EIF3B: variants seen among roughly 807,000 people sequenced by gnomAD.
EIF3B encodes eukaryotic translation initiation factor 3 subunit B.
In EIF3B, 10 loss-of-function variants were observed where a neutral mutation model predicts 104.6. The observed-to-expected ratio is 0.10, with a 90% CI of 0.06 to 0.16. The LOEUF is 0.16. Among genes scored for constraint, EIF3B ranks in the 10% least tolerant of loss-of-function variants. The pLI, the probability that EIF3B is intolerant of heterozygous loss-of-function variation, is 1.00. For missense variants in EIF3B, 1,014 were observed against 1,087.9 expected (o/e 0.93, Z 0.96); for synonymous variants, 542 against 417.2 (o/e 1.30, Z -3.65).
intron 1 of EIF3B, among the ~76,000 whole-genome samples, chr7:2,359,784 A>G (rs1288132043): frequency 1.3e-5 from 2 of 152,124 alleles, no homozygotes; most frequent in African/African-American, 2.4e-5. Flanking sequence ...TTCCTGGTAG[A>G]TAGTGTCTGA....
At position 2,376,730 on chromosome 7, in the gene EIF3B, C is replaced by T. The variant is rs187595758; in HGVS notation, c.2029-220C>T. 5,356 of 573,462 alleles carry T rather than the reference C, an allele frequency of 9.3e-3. 44 individuals are homozygous for T. Among genetic ancestry groups the T allele is most frequent in the Non-Finnish European group, 0.012 (4,030 of 331,926 alleles). 35.5% of individuals were successfully genotyped at this position (573,462 alleles called of 1,614,324 possible). A position where few individuals can be genotyped will look rare whatever the true frequency, so the allele number is the denominator to read the frequency against. Reference sequence around the variant, plus strand: ...ATGTGCAGGCCTGTGCTGTGATGAGCGCTGCTCCAGCTGCTCCGTGCCCCG... The same window carrying T: ...ATGTGCAGGCCTGTGCTGTGATGAGTGCTGCTCCAGCTGCTCCGTGCCCCG... On this transcript the variant is annotated intron_variant, in intron 14 of 18. Transcript: ENST00000360876.
In EIF3B at chr7:2,372,920, A is replaced by G. The variant is rs543626500; in HGVS notation, c.1810+125A>G. 31 of 1,120,840 alleles carry G rather than the reference A, an allele frequency of 2.8e-5. No individual in the cohort carries two copies. The South Asian group carries it at 4.1e-4, about 15-fold the overall frequency. The allele number at this position is 1,120,840 out of a possible 1,614,324, so 69.4% of individuals were successfully genotyped here. On this transcript the variant is annotated intron_variant, in intron 12 of 18. Transcript: ENST00000360876. ...TGGGCAGGCCGGGACTCGCCTATGA[A>G]TGGGGTGTGGCCTCGGCTGATGGAA...
chr7:2,361,976 T>TTTATTTAC (rs1309563944), intron 2 of EIF3B, among the ~76,000 whole-genome samples: 2 of 151,732 alleles, frequency 1.3e-5, no homozygotes, highest in Non-Finnish European at 2.9e-5. Flanking sequence ...TATTTATTTA[T>TTTATTTAC]TGAGACAGAG....
rs1780030561 is a variant in EIF3B, at chr7:2,366,425, C to T, written c.1266C>T (p.Ser422=). The stretch of plus-strand genomic sequence containing the variant: ...AGAAGAGGGGTTTTCACTGTGAGAG[C>T]TCAGCCCATTGGCCTATTTTTAAGT... ...GHKKRGFHCE[S]SAHWPIFKWS... is the part of the protein sequence containing the mutation. The change falls in exon 7 of 19, where the codon AGC becomes AGT. Residue 422 remains serine (S), a synonymous_variant. Coordinates refer to ENST00000360876, the MANE Select transcript of EIF3B (RefSeq NM_001037283.2). The T allele has an allele frequency of 6.2e-7, 1 of 1,614,088 alleles. No individual in the cohort carries two copies. The highest frequency in any genetic ancestry group is 1.3e-5 in the African/African-American group (1 of 75,052).
chr7:2,361,047 C>A, intron 2 of EIF3B, 145 bp downstream of exon 2: 2 of 583,408 alleles, frequency 3.4e-6, no homozygotes, highest in Non-Finnish European at 3.0e-6. Flanking sequence ...CAGCTGGAAG[C>A]TATCCAGAGC....
intron 4 of EIF3B, among the ~76,000 whole-genome samples, chr7:2,363,422 A>G (rs954417026): frequency 2.7e-4 from 41 of 151,670 alleles, no homozygotes; most frequent in African/African-American, 9.9e-4. Flanking sequence ...GCCGTGAGCT[A>G]TGATTGTGCC....
chr7:2,361,952 CTTATTTAT>C (rs60402825), intron 2 of EIF3B, among the ~76,000 whole-genome samples: 6 of 148,636 alleles, frequency 4.0e-5, no homozygotes, highest in African/African-American at 7.5e-5. Context: ...TGCTTGCTTG[CTTATTTAT>C]TTATTTATTT....
chr7:2,366,477 A>G (rs1282965774), intron 7 of EIF3B, 29 bp downstream of exon 7: 1 of 1,614,076 alleles, frequency 6.2e-7, no homozygotes, highest in Non-Finnish European at 8.5e-7. Flanking sequence ...CGAGCTCTGT[A>G]GCCTTTGTCT....
chr7:2,380,216 G>T lies in EIF3B; in HGVS notation c.*27G>T. The T allele has an allele frequency of 2.6e-6, 1 of 390,720 alleles. No homozygotes were observed. Among genetic ancestry groups the T allele is most frequent in the Admixed American group, 2.9e-5 (1 of 34,256 alleles). The allele number at this position is 390,720 out of a possible 1,614,324, so 24.2% of individuals were successfully genotyped here. A position where few individuals can be genotyped will look rare whatever the true frequency, so the allele number is the denominator to read the frequency against. Reference sequence around the variant, plus strand: ...CCTGTCTATCCAGGGGACGGACTCCGCCTGCTGTTCCCGCGCTGAGCTACA... The same window carrying T: ...CCTGTCTATCCAGGGGACGGACTCCTCCTGCTGTTCCCGCGCTGAGCTACA... On this transcript the variant is annotated 3_prime_UTR_variant, in exon 19 of 19. Transcript: ENST00000360876.
chr7:2,379,920 G>A (rs1005219970), intron 18 of EIF3B: 4 of 258,672 alleles, frequency 1.5e-5, no homozygotes, highest in Admixed American at 5.1e-5. Flanking sequence ...TCCAAGTCGG[G>A]GGCTGGGGAG....
chr7:2,364,283 CA>C, intron 5 of EIF3B, 88 bp from the exon 6 acceptor site: 1 of 1,247,226 alleles, frequency 8.0e-7, no homozygotes, highest in Non-Finnish European at 1.1e-6. Flanking sequence ...GTTTGTAGAA[CA>C]GATTCATTGT....
intron 10 of EIF3B, among the ~76,000 whole-genome samples, chr7:2,370,184 T>A (rs1562486061): frequency 6.6e-6 from 1 of 152,188 alleles, no homozygotes; most frequent in African/African-American, 2.4e-5. Context: ...TATCAAAAAA[T>A]TGCCTGAGTT....
At chr7:2,354,308 T>A (rs1779260196), upstream of EIF3B, 1 of 152,236 alleles carries the variant, frequency 6.6e-6, no homozygotes, top group African/African-American at 2.4e-5. Context: ...TTTGAAGTAG[T>A]CTGTCCTTTT....
rs1242429229 is a variant in EIF3B, at chr7:2,354,887, G to A, written c.-35G>A. 5.2e-6 allele frequency: 6 copies of A among 1,158,756 alleles called. No homozygotes were observed. Among genetic ancestry groups the A allele is most frequent in the African/African-American group, 1.6e-5 (1 of 61,090 alleles). The allele number at this position is 1,158,756 out of a possible 1,614,324, so 71.8% of individuals were successfully genotyped here. On this transcript the variant is annotated 5_prime_UTR_variant, in exon 1 of 19. Transcript: ENST00000360876. ...GCCTGGGAGAGTCGGAAGCGCGGCG[G>A]CCGCGGAGCCCTGCGAGTAGGCAGC...
chr7:2,367,141 G>C, intron 9 of EIF3B, 96 bp downstream of exon 9: 1 of 1,166,564 alleles, frequency 8.6e-7, no homozygotes. Flanking sequence ...AGGCTGGGTG[G>C]CTTATGACAG....
At position 2,380,274 on chromosome 7, in the gene EIF3B, T is replaced by G. The variant is rs1239077845; in HGVS notation, c.*85T>G. 4 of 502,556 alleles carry G rather than the reference T, an allele frequency of 8.0e-6. No individual in the cohort carries two copies. The highest frequency in any genetic ancestry group is 1.6e-5 in the Non-Finnish European group (4 of 252,676). 31.1% of individuals were successfully genotyped at this position (502,556 alleles called of 1,614,324 possible). A position where few individuals can be genotyped will look rare whatever the true frequency, so the allele number is the denominator to read the frequency against. On this transcript the variant is annotated 3_prime_UTR_variant, in exon 19 of 19. Coordinates refer to ENST00000360876, the MANE Select transcript of EIF3B (RefSeq NM_001037283.2). ...CGAGTGTGAGCCGCGGTTCCTCTGTTGCAGCGCAGCCGTGTGTGCTGTGGA... is the reference window on the plus strand; with the variant it reads ...CGAGTGTGAGCCGCGGTTCCTCTGTGGCAGCGCAGCCGTGTGTGCTGTGGA...
rs756769956 is a variant in EIF3B, at chr7:2,363,137, C to T, written c.870+10C>T. The stretch of plus-strand genomic sequence containing the variant: ...GCCTTTCAAAGACCTGGTGAGTGGC[C>T]TGAAACCTACATCTCAGTGGTTTAA... On this transcript the variant is annotated intron_variant, in intron 4 of 18. Coordinates refer to ENST00000360876, the MANE Select transcript of EIF3B (RefSeq NM_001037283.2). 6.2e-7 allele frequency: 1 copy of T among 1,613,436 alleles called. No individual in the cohort carries two copies. Among genetic ancestry groups the T allele is most frequent in the Non-Finnish European group, 8.5e-7 (1 of 1,179,700 alleles).
At position 2,363,597 on chromosome 7, in the gene EIF3B, A is replaced by G. The variant is rs774034589; in HGVS notation, c.871-35A>G. On this transcript the variant is annotated intron_variant, in intron 4 of 18. Transcript: ENST00000360876. ...TGTGAATGAGTTTTTTATTAAAATT[A>G]ATGAAATGTTATATTCCTTGTCTTT... 1.9e-6 allele frequency: 3 copies of G among 1,567,120 alleles called. No individual in the cohort carries two copies. In the East Asian group the frequency reaches 6.8e-5, roughly 35 times the overall value.
In EIF3B at chr7:2,366,397, A is replaced by C; in HGVS notation, c.1238A>C (p.His413Pro). The C allele has an allele frequency of 6.2e-7, 1 of 1,614,058 alleles. No homozygotes were observed. Among genetic ancestry groups the C allele is most frequent in the Non-Finnish European group, 8.5e-7 (1 of 1,180,000 alleles). Residue 413 changes from histidine (H) to proline (P), a missense_variant, in exon 7 of 19, where the codon CAC becomes CCC. His to Pro is a moderately conservative substitution (Grantham distance 77, BLOSUM62 -2). Around this residue, in one of 4 missense-constraint regions of EIF3B, gnomAD observed 201 missense variants for 240.7 expected, o/e 0.83. Coordinates refer to ENST00000360876, the MANE Select transcript of EIF3B (RefSeq NM_001037283.2). Reference sequence around the variant, plus strand: ...ATCATCTGGGACATCCTTACGGGGCACAAGAAGAGGGGTTTTCACTGTGAG... The same window carrying C: ...ATCATCTGGGACATCCTTACGGGGCCCAAGAAGAGGGGTTTTCACTGTGAG... The part of the protein sequence containing the change: ...AIIIWDILTG[H>P]KKRGFHCESS...
Sources: gnomAD v4.1 joint callset for allele counts (sites outside exome capture counted in the v4.1 genomes callset) on GRCh38, gnomAD v4.1.1 for gene constraint, gnomAD v4.1.1 regional missense constraint, MANE v1.5 for transcripts, NCBI Gene and HGNC (gene_info 2026-07-23, HGNC 2026-07-21) for gene names.